Variants in THADA observed in about 807,000 individuals in gnomAD.
THADA encodes THADA armadillo repeat containing, also known as tRNA (32-2'-O)-methyltransferase regulator THADA.
A neutral mutation model predicts 219.8 loss-of-function variants in THADA; 213 were observed. The ratio of observed to expected loss-of-function variants is 0.97; its 90% CI spans 0.87 to 1.09. The LOEUF (loss-of-function observed/expected upper bound fraction) is 1.09. Among genes scored for constraint, THADA ranks in the 50% least tolerant of loss-of-function variants. The pLI is 0.00. For missense variants in THADA, 2,956 were observed against 2,311.3 expected (o/e 1.28, Z -5.72); for synonymous variants, 1,018 against 828.9 (o/e 1.23, Z -3.92).
chr2:43,424,035 C>T (rs1369294398), intron 28 of THADA, among the ~76,000 whole-genome samples: 1 of 152,080 alleles, frequency 6.6e-6, no homozygotes, highest in Non-Finnish European at 1.5e-5. Flanking sequence ...TATCTGGATG[C>T]AGCACAACAT....
chr2:43,363,784 G>C (rs1036583074), intron 29 of THADA, among the ~76,000 whole-genome samples: 2 of 152,186 alleles, frequency 1.3e-5, no homozygotes, highest in African/African-American at 4.8e-5. Flanking sequence ...CAAACACGAG[G>C]ATTCGTTCTA....
intron 26 of THADA, among the ~76,000 whole-genome samples, chr2:43,461,088 T>C (rs1448534501): frequency 2.6e-5 from 4 of 152,298 alleles, no homozygotes; most frequent in African/African-American, 9.6e-5. Flanking sequence ...TAGGCTGGAC[T>C]GTGGAAGGCC....
intron 22 of THADA, among the ~76,000 whole-genome samples, chr2:43,524,059 A>T (rs1692839214): frequency 6.6e-6 from 1 of 152,258 alleles, no homozygotes; most frequent in Non-Finnish European, 1.5e-5. Flanking sequence ...GTTTTATGAC[A>T]TTAACAAACT....
chr2:43,438,363 A>T (rs77984654), intron 26 of THADA, among the ~76,000 whole-genome samples: 4,015 of 152,022 alleles, frequency 0.026, 195 homozygotes, highest in African/African-American at 0.092. Flanking sequence ...AAATTGGCAA[A>T]GACTAATAAG....
At chr2:43,581,358 T>C (rs1478925522) in intron 8 of THADA, among the ~76,000 whole-genome samples, 2 of 151,908 alleles carry the variant, frequency 1.3e-5, no homozygotes, top group Admixed American at 6.6e-5. Context: ...GGCAAAACCC[T>C]TTCTCTATTA....
At chr2:43,526,817 CATA>C (rs2103721552) in intron 22 of THADA, among the ~76,000 whole-genome samples, 1 of 152,184 alleles carries the variant, frequency 6.6e-6, no homozygotes, top group East Asian at 1.9e-4. Context: ...ATAAAAAAAC[CATA>C]ATATCATCCA....
At chr2:43,486,399 C>T (rs888424467) in intron 25 of THADA, 1 of 152,140 alleles carries the variant, frequency 6.6e-6, no homozygotes, top group Non-Finnish European at 1.5e-5. Flanking sequence ...TCCTCAATTA[C>T]TCTGTAAAAA....
chr2:43,289,703 G>A (rs936076080), intron 34 of THADA, among the ~76,000 whole-genome samples: 3 of 152,166 alleles, frequency 2.0e-5, no homozygotes, highest in Non-Finnish European at 4.4e-5. Flanking sequence ...CCAGGCTGGA[G>A]TACAGTGAGA....
intron 22 of THADA, among the ~76,000 whole-genome samples, chr2:43,526,472 T>C (rs1042486741): frequency 6.6e-6 from 1 of 152,230 alleles, no homozygotes; most frequent in Non-Finnish European, 1.5e-5. Flanking sequence ...AATGTTTCCT[T>C]CTTTCAACTC....
chr2:43,322,784 C>G (rs1678893161), intron 30 of THADA, among the ~76,000 whole-genome samples: 2 of 133,588 alleles, frequency 1.5e-5, no homozygotes, highest in African/African-American at 5.6e-5. Context: ...CTGCCGGGTT[C>G]ATGCCATTCT....
intron 26 of THADA, among the ~76,000 whole-genome samples, chr2:43,464,959 A>G (rs931195410): frequency 1.3e-5 from 2 of 152,140 alleles, no homozygotes; most frequent in South Asian, 2.1e-4. Flanking sequence ...GAACAGGGGG[A>G]AAAAACCCTG....
intron 15 of THADA, chr2:43,563,339 GC>G (rs1336991378): frequency 6.6e-6 from 1 of 152,016 alleles, no homozygotes; most frequent in Non-Finnish European, 1.5e-5. Context: ...CAAATGTGAA[GC>G]CCTTTATGAC....
At chr2:43,248,721 G>A (rs1163744896) in intron 36 of THADA, among the ~76,000 whole-genome samples, 1 of 152,066 alleles carries the variant, frequency 6.6e-6, no homozygotes. Context: ...TTTTGTACCT[G>A]AAGGAAGAAA....
At chr2:43,235,609 T>C (rs1176937252) in intron 36 of THADA, among the ~76,000 whole-genome samples, 1 of 152,086 alleles carries the variant, frequency 6.6e-6, no homozygotes, top group Non-Finnish European at 1.5e-5. Context: ...ACTTTTTTTA[T>C]GGTCTCCTTA....
chr2:43,391,372 A>C, intron 29 of THADA, among the ~76,000 whole-genome samples: 1 of 152,158 alleles, frequency 6.6e-6, no homozygotes, highest in East Asian at 1.9e-4. Context: ...ACAACCACAC[A>C]GTGCAGTACA....
chr2:43,567,398 G>C (rs535215039), intron 14 of THADA, among the ~76,000 whole-genome samples: 1 of 152,278 alleles, frequency 6.6e-6, no homozygotes, highest in South Asian at 2.1e-4. Context: ...GGGAGGCCGA[G>C]GTGGGCAGAT....
chr2:43,490,926 T>C lies in THADA; in HGVS notation c.3745-5601A>G, dbSNP rs1474733644. Among the ~76,000 whole-genome samples, 3 of 152,180 alleles carry C rather than the reference T, an allele frequency of 2.0e-5. 1 individual carries two copies. The highest frequency in any genetic ancestry group is 4.4e-5 in the Non-Finnish European group (3 of 67,998). ...TGATTTTTATAGGTTGAAAAATACA[T>C]ACTCTGTTTTAGAATTCTGTAAGTT... On this transcript the variant is annotated intron_variant, in intron 25 of 37. Transcript: ENST00000405975.
intron 29 of THADA, among the ~76,000 whole-genome samples, chr2:43,364,957 CTTT>C (rs111298149): frequency 2.2e-5 from 3 of 135,898 alleles, no homozygotes; most frequent in Admixed American, 7.4e-5. Flanking sequence ...TTAATCTCAT[CTTT>C]TTTTTTTTTT....
chr2:43,409,792 G>A (rs921372386), intron 28 of THADA, among the ~76,000 whole-genome samples: 1 of 152,082 alleles, frequency 6.6e-6, no homozygotes, highest in African/African-American at 2.4e-5. Context: ...GACTGAGGCA[G>A]CAGGATTGCT....
Sources: gnomAD v4.1 joint callset for allele counts (sites outside exome capture counted in the v4.1 genomes callset) on GRCh38, gnomAD v4.1.1 for gene constraint, MANE v1.5 for transcripts, NCBI Gene and HGNC (gene_info 2026-07-23, HGNC 2026-07-21) for gene names.